Variants in LAS1L observed in about 807,000 individuals in gnomAD.
LAS1L encodes the protein LAS1 like ribosome biogenesis factor.
In LAS1L, 5 loss-of-function variants were observed where a neutral mutation model predicts 57.3. That is an observed-to-expected ratio of 0.09 (90% CI 0.05 to 0.18). LAS1L has a LOEUF of 0.18. Among genes scored for constraint, LAS1L ranks in the 10% least tolerant of loss-of-function variants. The probability of loss-of-function intolerance (pLI) is 1.00; values close to 1 mark genes in which losing one functional copy is unlikely to be tolerated. For synonymous variants in LAS1L, 245 were observed against 231.7 expected (o/e 1.06, Z -0.52); for missense variants, 360 against 568.3 (o/e 0.63, Z 3.73).
chrX:65,529,401 T>C, intron 5 of LAS1L, 143 bp from the exon 6 acceptor site: 1 of 685,075 alleles, frequency 1.5e-6, no homozygotes. Flanking sequence ...GGGCTCAAGA[T>C]GGTTTGTGAG....
In LAS1L at chrX:65,514,851, G is replaced by A. The variant is rs762602796; in HGVS notation, c.2050C>T (p.Arg684Trp). 1.7e-6 allele frequency: 2 copies of A among 1,198,632 alleles called. No homozygotes were observed. Among genetic ancestry groups the A allele is most frequent in the Non-Finnish European group, 1.1e-6 (1 of 888,099 alleles). The change falls in exon 13 of 14, where the codon CGG becomes TGG. Residue 684 changes from arginine to tryptophan, a missense_variant. Arg to Trp is a moderately radical substitution (Grantham distance 101). This residue lies in a region of LAS1L where 123 missense variants were observed against 168.3 expected (regional missense o/e 0.73). Coordinates refer to ENST00000374811, the MANE Select transcript of LAS1L (RefSeq NM_031206.7). ...GTCTTGCATGTTGAGGGTTCCAGCCGCTGCTCTAGCACAGGCTGGTCCAAA... is the reference window on the plus strand; with the variant it reads ...GTCTTGCATGTTGAGGGTTCCAGCCACTGCTCTAGCACAGGCTGGTCCAAA... ...YLLDQPVLEQ[R>W]LEPSTCKTDT... is the part of the protein sequence containing the mutation.
chrX:65,512,957 G>A (rs2068499022), intron 13 of LAS1L, 56 bp from the exon 14 acceptor site: 2 of 1,084,786 alleles, frequency 1.8e-6, no homozygotes, highest in South Asian at 4.5e-5. Flanking sequence ...GCTCTGGAGG[G>A]GCCAAGAGTG....
Position 65,523,665 on chromosome X carries a change from C to A in LAS1L, c.1343G>T (p.Arg448Ile), listed in dbSNP as rs1556306730. 1 of 1,199,176 alleles carries A rather than the reference C, an allele frequency of 8.3e-7. No homozygotes were observed. Among genetic ancestry groups the A allele is most frequent in the Non-Finnish European group, 1.1e-6 (1 of 888,888 alleles). ...RRFSAGQWEA[R>I]RGWRLFNCSA... Reference sequence around the variant, plus strand: ...GCAGTTGAACAGCCTCCAGCCCCTTCTTGCTTCCCACTGGCCTGCAGAAAA... The same window carrying A: ...GCAGTTGAACAGCCTCCAGCCCCTTATTGCTTCCCACTGGCCTGCAGAAAA... Residue 448 changes from arginine (R) to isoleucine (I), a missense_variant, in exon 11 of 14, where the codon AGA becomes ATA. Arg to Ile is a moderately conservative substitution (Grantham distance 97, BLOSUM62 -3). Transcript: ENST00000374811.
At chrX:65,517,381 G>C (rs2068682171) in intron 12 of LAS1L, among the ~76,000 whole-genome samples, 1 of 109,672 alleles carries the variant, frequency 9.1e-6, no homozygotes, top group African/African-American at 3.3e-5. Flanking sequence ...CCGAGTAGCT[G>C]GGACTACAGG....
At chrX:65,523,997 T>C (rs2068992949) in intron 10 of LAS1L, 59 bp downstream of exon 10, 1 of 1,057,195 alleles carries the variant, frequency 9.5e-7, no homozygotes, top group South Asian at 2.0e-5. Flanking sequence ...CTGAGGACAG[T>C]GGCAGAGGCT....
rs754948682 is a variant in LAS1L, at chrX:65,534,709, A to G, written c.7T>C (p.Trp3Arg). Reference sequence around the variant, plus strand: ...AGACCTGGCCCGGCCCCGGATTCCCACGACATACTGAGCTCAACAACAGGC... The same window carrying G: ...AGACCTGGCCCGGCCCCGGATTCCCGCGACATACTGAGCTCAACAACAGGC... MS[W>R]ESGAGPGLGS... Residue 3 changes from tryptophan to arginine, a missense_variant, in exon 1 of 14, where the codon TGG (tryptophan) becomes CGG (arginine). This residue lies in a region of LAS1L where 36 missense variants were observed against 27.9 expected (regional missense o/e 1.29). Coordinates refer to ENST00000374811, the MANE Select transcript of LAS1L (RefSeq NM_031206.7). 8.6e-7 allele frequency: 1 copy of G among 1,160,467 alleles called. No individual in the cohort carries two copies. The highest frequency in any genetic ancestry group is 2.6e-5 in the Admixed American group (1 of 38,478).
chrX:65,521,786 CAG>C (rs1390533038), intron 11 of LAS1L: 1 of 111,131 alleles, frequency 9.0e-6, no homozygotes, highest in African/African-American at 3.3e-5. Context: ...GCAGCAGACA[CAG>C]AGACTGACAA....
At chrX:65,528,137 C>T in intron 7 of LAS1L, 123 bp downstream of exon 7, 2 of 473,660 alleles carry the variant, frequency 4.2e-6, no homozygotes, top group South Asian at 6.3e-5. Context: ...TGGAGGGGAT[C>T]AGGATTATCC....
intron 13 of LAS1L, among the ~76,000 whole-genome samples, chrX:65,513,782 C>T (rs1000587270): frequency 8.9e-6 from 1 of 112,493 alleles, no homozygotes; most frequent in African/African-American, 3.2e-5. Flanking sequence ...GCCCACACTT[C>T]ACCCTTGCTA....
chrX:65,516,467 C>G (rs2068632368), intron 12 of LAS1L, among the ~76,000 whole-genome samples: 1 of 110,726 alleles, frequency 9.0e-6, no homozygotes, highest in South Asian at 3.8e-4. Flanking sequence ...ATCTCACTGC[C>G]TGTTCCCACT....
At chrX:65,524,414 C>A in intron 9 of LAS1L, 150 bp downstream of exon 9, 1 of 502,302 alleles carries the variant, frequency 2.0e-6, no homozygotes, top group Non-Finnish European at 3.6e-6. Flanking sequence ...CCACCAACAA[C>A]AGAGTTGCCA....
intron 11 of LAS1L, among the ~76,000 whole-genome samples, chrX:65,519,913 G>C (rs2068782698): frequency 3.6e-5 from 4 of 111,831 alleles, no homozygotes; most frequent in African/African-American, 1.3e-4. Context: ...AAATTAAATT[G>C]ATATTGGCTG....
At chrX:65,531,627 T>G in intron 3 of LAS1L, among the ~76,000 whole-genome samples, 189 bp from the exon 4 acceptor site, 1 of 112,330 alleles carries the variant, frequency 8.9e-6, no homozygotes, top group Non-Finnish European at 1.9e-5. Flanking sequence ...ATTCTTTTTT[T>G]ACTGCTCTAT....
chrX:65,528,169 G>A (rs1367323944), intron 7 of LAS1L, 91 bp downstream of exon 7: 1 of 547,172 alleles, frequency 1.8e-6, no homozygotes, highest in Non-Finnish European at 3.1e-6. Context: ...TACAGCAGAG[G>A]TTGGCAAGCT....
intron 6 of LAS1L, among the ~76,000 whole-genome samples, 178 bp downstream of exon 6, chrX:65,529,034 T>C (rs964370970): frequency 2.7e-5 from 3 of 112,034 alleles, no homozygotes; most frequent in Non-Finnish European, 5.6e-5. Context: ...GATCAGCCAA[T>C]TGGACTCTGC....
At position 65,534,577 on chromosome X, in the gene LAS1L, T is replaced by A; in HGVS notation, c.139A>T (p.Ser47Cys). 1 of 1,208,070 alleles carries A rather than the reference T, an allele frequency of 8.3e-7. No homozygotes were observed. The highest frequency in any genetic ancestry group is 2.3e-4 in the Middle Eastern group (1 of 4,349). ...SAHGIVVAWLSRAEWDQVTVY... is the reference protein window; with the variant it reads ...SAHGIVVAWLCRAEWDQVTVY... ...GTCACCTGGTCCCACTCGGCCCTGC[T>A]GAGCCAGGCGACCACGATGCCGTGG... The change falls in exon 1 of 14, where the codon AGC (serine) becomes TGC (cysteine). Residue 47 changes from serine to cysteine, a missense_variant. Around this residue, in one of 7 missense-constraint regions of LAS1L, gnomAD observed 25 missense variants for 38.2 expected, o/e 0.65. Coordinates refer to ENST00000374811, the MANE Select transcript of LAS1L (RefSeq NM_031206.7).
At chrX:65,534,357 G>A (rs150570013) in intron 1 of LAS1L, 123 bp downstream of exon 1, 4 of 505,607 alleles carry the variant, frequency 7.9e-6, no homozygotes, top group African/African-American at 7.1e-5. Context: ...CAGGCATTTG[G>A]GAGAGGGACA....
intron 7 of LAS1L, among the ~76,000 whole-genome samples, chrX:65,527,227 A>AAAG (rs2069201780): frequency 1.2e-5 from 1 of 85,604 alleles, no homozygotes; most frequent in Non-Finnish European, 2.2e-5. Flanking sequence ...AAAAAAAAAA[A>AAAG]AAAAAAAAAA....
chrX:65,528,231 A>G (rs956747733), intron 7 of LAS1L, 29 bp downstream of exon 7: 4 of 947,789 alleles, frequency 4.2e-6, no homozygotes, highest in Admixed American at 2.4e-5. Flanking sequence ...CCTAGAGAAT[A>G]CGCAGCTCCC....
Sources: gnomAD v4.1 joint callset for allele counts (sites outside exome capture counted in the v4.1 genomes callset) on GRCh38, gnomAD v4.1.1 for gene constraint, gnomAD v4.1.1 regional missense constraint, MANE v1.5 for transcripts, NCBI Gene and HGNC (gene_info 2026-07-23, HGNC 2026-07-21) for gene names.